NNT: variants seen among roughly 807,000 people sequenced by gnomAD.
NNT encodes the protein nicotinamide nucleotide transhydrogenase.
Under a neutral mutation model 104.8 loss-of-function variants are expected in NNT, and 50 were observed. That is an observed-to-expected ratio of 0.48 (90% CI 0.38 to 0.60). The LOEUF (loss-of-function observed/expected upper bound fraction) is 0.60, where lower values mean the gene tolerates loss of function less well. Among genes scored for constraint, NNT ranks in the 20% least tolerant of loss-of-function variants. The pLI, the probability that NNT is intolerant of heterozygous loss-of-function variation, is 0.00. For synonymous variants in NNT, 461 were observed against 490.4 expected (o/e 0.94, Z 0.79); for missense variants, 1,131 against 1,330.7 (o/e 0.85, Z 2.33).
intron 17 of NNT, among the ~76,000 whole-genome samples, chr5:43,672,472 G>A (rs1741163643): frequency 6.6e-6 from 1 of 152,206 alleles, no homozygotes; most frequent in South Asian, 2.1e-4. Flanking sequence ...TGGTGTGGAT[G>A]TCCTTTCTGT....
At chr5:43,666,463 G>A (rs567808574) in intron 17 of NNT, among the ~76,000 whole-genome samples, 23 of 152,240 alleles carry the variant, frequency 1.5e-4, no homozygotes, top group South Asian at 1.5e-3. Flanking sequence ...GTGGCAGCGC[G>A]CGCCTGCAAT....
Position 43,704,508 on chromosome 5 carries a change from C to A in NNT, c.*104C>A. The A allele has an allele frequency of 8.2e-7, 1 of 1,223,968 alleles. No individual in the cohort carries two copies. 75.8% of individuals were successfully genotyped at this position (1,223,968 alleles called of 1,614,324 possible). ...GGTGATGTACATCTGTAGCAAAGCT[C>A]TTGGAGAAAATGAAGACTGAAGAAA... On this transcript the variant is annotated 3_prime_UTR_variant, in exon 22 of 22. Transcript: ENST00000344920.
chr5:43,632,546 T>C (rs1441514373), intron 7 of NNT, among the ~76,000 whole-genome samples: 1 of 152,208 alleles, frequency 6.6e-6, no homozygotes, highest in Non-Finnish European at 1.5e-5. Flanking sequence ...TTATGCTGCC[T>C]GATATCTTAA....
intron 19 of NNT, among the ~76,000 whole-genome samples, chr5:43,682,367 C>A (rs1169704300): frequency 6.6e-6 from 1 of 151,120 alleles, no homozygotes; most frequent in East Asian, 2.1e-4. Flanking sequence ...TGCGCCACCA[C>A]GCCTGACTAA....
At chr5:43,674,554 A>T (rs539992096) in intron 17 of NNT, among the ~76,000 whole-genome samples, 1 of 152,378 alleles carries the variant, frequency 6.6e-6, no homozygotes, top group East Asian at 1.9e-4. Context: ...AATAGAGTTC[A>T]GTAAGTTTTT....
chr5:43,678,107 A>G (rs1388676100), intron 19 of NNT, among the ~76,000 whole-genome samples: 1 of 152,222 alleles, frequency 6.6e-6, no homozygotes, highest in Non-Finnish European at 1.5e-5. Context: ...GAGAAAGTAT[A>G]TTTACTATTC....
intron 10 of NNT, chr5:43,648,249 G>C: frequency 1.9e-6 from 2 of 1,030,544 alleles, no homozygotes; most frequent in Non-Finnish European, 2.3e-6. Flanking sequence ...TCAATCCCTA[G>C]ATATTCCAGT....
intron 17 of NNT, among the ~76,000 whole-genome samples, chr5:43,662,729 CA>C (rs1010792710): frequency 2.6e-5 from 4 of 151,988 alleles, no homozygotes; most frequent in African/African-American, 9.6e-5. Context: ...CCTGTCTCTA[CA>C]AAAAATATAA....
At chr5:43,604,231 C>T (rs951334687) in intron 1 of NNT, among the ~76,000 whole-genome samples, 1 of 152,180 alleles carries the variant, frequency 6.6e-6, no homozygotes, top group Admixed American at 6.5e-5. Flanking sequence ...CCGGCCAGTC[C>T]TTAGGTGGTC....
chr5:43,682,812 C>A (rs942000370), intron 19 of NNT, among the ~76,000 whole-genome samples: 10 of 152,160 alleles, frequency 6.6e-5, no homozygotes, highest in Non-Finnish European at 5.9e-5. Context: ...ATATATACTA[C>A]TCTTTCCTAA....
intron 17 of NNT, among the ~76,000 whole-genome samples, chr5:43,663,838 CTGGCACA>C (rs1209941038): frequency 6.6e-6 from 1 of 152,168 alleles, no homozygotes; most frequent in Non-Finnish European, 1.5e-5. Flanking sequence ...GGCCAAGTAC[CTGGCACA>C]TTCACACAAA....
intron 5 of NNT, among the ~76,000 whole-genome samples, chr5:43,622,166 G>C (rs13360656): frequency 0.015 from 2,277 of 152,308 alleles, 58 homozygotes; most frequent in African/African-American, 0.048. Flanking sequence ...GTAGAGAAAG[G>C]TGAAGGATTT....
At chr5:43,652,198 G>T (rs942764397) in intron 13 of NNT, among the ~76,000 whole-genome samples, 1 of 152,120 alleles carries the variant, frequency 6.6e-6, no homozygotes, top group East Asian at 1.9e-4. Flanking sequence ...GCTAGATTGC[G>T]GTGGATTTAT....
intron 19 of NNT, among the ~76,000 whole-genome samples, chr5:43,682,369 CCTGA>C (rs34164424): frequency 0.037 from 5,669 of 152,106 alleles, 215 homozygotes; most frequent in East Asian, 0.2. Flanking sequence ...CGCCACCACG[CCTGA>C]CTAATTTTTG....
upstream of NNT, chr5:43,602,798 G>A (rs1386655897): frequency 6.6e-6 from 1 of 152,266 alleles, no homozygotes. Flanking sequence ...GTTCTGATGG[G>A]ACCCCAGAGA....
chr5:43,671,200 T>G (rs1164037268), intron 17 of NNT, among the ~76,000 whole-genome samples: 3 of 152,220 alleles, frequency 2.0e-5, no homozygotes, highest in Non-Finnish European at 4.4e-5. Context: ...ATGAGTCTTG[T>G]GAATACAGCA....
At chr5:43,671,430 C>T (rs1422224290) in intron 17 of NNT, among the ~76,000 whole-genome samples, 2 of 152,198 alleles carry the variant, frequency 1.3e-5, no homozygotes, top group African/African-American at 4.8e-5. Flanking sequence ...ACTGGTTGTT[C>T]CTTTCCATGT....
chr5:43,613,035 G>A lies in NNT; in HGVS notation c.279G>A (p.Ser93=), dbSNP rs1221265643. Residue 93 remains serine (S), a synonymous_variant, in exon 3 of 22, where the codon TCG becomes TCA. Transcript: ENST00000344920. ...VKQGFNVVVE[S]GAGEASKFSD... ...AGGGTTTTAATGTTGTCGTGGAATC[G>A]GGTGCGGGCGAAGCTTCCAAGTTCT... is the stretch of plus-strand genomic sequence containing the variant. 4 of 1,614,096 alleles carry A rather than the reference G, an allele frequency of 2.5e-6. No individual in the cohort carries two copies. Among genetic ancestry groups the A allele is most frequent in the East Asian group, 4.5e-5 (2 of 44,874 alleles).
rs1221484764 is a variant in NNT, at chr5:43,665,724, G to A, written c.2634+6374G>A. On this transcript the variant is annotated intron_variant, in intron 17 of 21. Coordinates refer to ENST00000344920, the MANE Select transcript of NNT (RefSeq NM_182977.3). ...AAAACCGCCATCGTCATCATGGCCC[G>A]TTCTCAAGGAGCTGTTGGGTACACC... 6.3e-5 allele frequency among the ~76,000 whole-genome samples: 6 copies of A among 94,784 alleles called. No homozygotes were observed. In the East Asian group the frequency reaches 8.7e-4, roughly 14 times the overall value. The allele number at this position is 94,784 out of a possible 152,430, so 62.2% of individuals were successfully genotyped here.
Sources: gnomAD v4.1 joint callset for allele counts (sites outside exome capture counted in the v4.1 genomes callset) on GRCh38, gnomAD v4.1.1 for gene constraint, MANE v1.5 for transcripts, NCBI Gene and HGNC (gene_info 2026-07-23, HGNC 2026-07-21) for gene names.